Variants in ZPLD1 observed in about 807,000 individuals in gnomAD.
ZPLD1 encodes zona pellucida like domain containing 1.
A neutral mutation model predicts 47.2 loss-of-function variants in ZPLD1; 34 were observed. That is an observed-to-expected ratio of 0.72 (90% confidence interval 0.55 to 0.96). The LOEUF (loss-of-function observed/expected upper bound fraction) is 0.96. ZPLD1 is among the 40% of genes least tolerant of loss of function. The probability of loss-of-function intolerance (pLI) is 0.00; values close to 1 mark genes in which losing one functional copy is unlikely to be tolerated. For missense variants in ZPLD1, 512 were observed against 505.8 expected (o/e 1.01, Z -0.12); for synonymous variants, 176 against 186.2 (o/e 0.95, Z 0.45).
intron 8 of ZPLD1, among the ~76,000 whole-genome samples, chr3:102,425,629 G>C (rs1450059157): frequency 6.6e-6 from 1 of 151,928 alleles, no homozygotes; most frequent in Non-Finnish European, 1.5e-5. Flanking sequence ...GAACATTTTG[G>C]TTATTGAGAT....
rs756525116 is a variant in ZPLD1, at chr3:102,453,133, C to G, written c.321C>G (p.Asn107Lys). The change falls in exon 4 of 12, where the codon AAC becomes AAG. Residue 107 changes from asparagine to lysine, a missense_variant. By Grantham distance (94) the Asn-to-Lys change is moderately conservative. Transcript: ENST00000466937. ...GCACCTTGGAGGGCTGTGGAAACAA[C>G]CTGGTGGTAAGATTAGTGTGACATT... is the stretch of plus-strand genomic sequence containing the variant. ...NLSTLEGCGN[N>K]LVVSTIPGVS... is the part of the protein sequence containing the mutation. The G allele has an allele frequency of 3.1e-6, 5 of 1,613,762 alleles. No homozygotes were observed. The highest frequency in any genetic ancestry group is 4.2e-6 in the Non-Finnish European group (5 of 1,179,822).
chr3:102,465,833 A>G (rs1404201794), intron 8 of ZPLD1, among the ~76,000 whole-genome samples: 3 of 152,212 alleles, frequency 2.0e-5, no homozygotes, highest in African/African-American at 7.2e-5. Context: ...AAAACAGTTA[A>G]GATCAAGAGA....
At chr3:102,475,968 T>C (rs1273242116) in intron 10 of ZPLD1, among the ~76,000 whole-genome samples, 1 of 152,192 alleles carries the variant, frequency 6.6e-6, no homozygotes, top group East Asian at 1.9e-4. Flanking sequence ...CAGTTTATAT[T>C]ATTTTAGAAA....
At chr3:102,426,250 GCTCAC>G (rs1376237681) in intron 8 of ZPLD1, among the ~76,000 whole-genome samples, 1 of 152,002 alleles carries the variant, frequency 6.6e-6, no homozygotes, top group African/African-American at 2.4e-5. Context: ...GGGTGCGGTG[GCTCAC>G]GCCTGTAATC....
chr3:102,445,652 C>T (rs569572886), intron 3 of ZPLD1, among the ~76,000 whole-genome samples: 1 of 152,152 alleles, frequency 6.6e-6, no homozygotes, highest in Non-Finnish European at 1.5e-5. Context: ...GATTCATCTG[C>T]ACAGTAAAGT....
chr3:102,445,047 C>G (rs1183047642), intron 3 of ZPLD1, among the ~76,000 whole-genome samples: 2 of 152,182 alleles, frequency 1.3e-5, no homozygotes, highest in Non-Finnish European at 2.9e-5. Context: ...GCTACAGGCA[C>G]CACCACTGCC....
chr3:102,433,723 G>C (rs1461117593), upstream of ZPLD1, among the ~76,000 whole-genome samples: 1 of 152,046 alleles, frequency 6.6e-6, no homozygotes, highest in African/African-American at 2.4e-5. Context: ...AAGAGACGTG[G>C]TTTCACCGTG....
chr3:102,422,400 A>G (rs564987564), intron 8 of ZPLD1, among the ~76,000 whole-genome samples: 1 of 152,152 alleles, frequency 6.6e-6, no homozygotes, highest in East Asian at 1.9e-4. Flanking sequence ...ATATCCTACA[A>G]TGTTGTTATG....
intron 7 of ZPLD1, among the ~76,000 whole-genome samples, chr3:102,414,035 T>G (rs1706776571): frequency 1.3e-5 from 2 of 151,764 alleles, no homozygotes; most frequent in Non-Finnish European, 2.9e-5. Context: ...CTGTGTGCTT[T>G]CCAGTTGGAC....
chr3:102,385,315 T>A (rs1483274676), exon 6 of ZPLD1: 1 of 150,776 alleles, frequency 6.6e-6, no homozygotes, highest in Non-Finnish European at 1.5e-5. Context: ...TCACCTGAAA[T>A]AAGTAAGTGT....
Position 102,477,950 on chromosome 3 carries a change from G to A in ZPLD1, c.*332G>A, listed in dbSNP as rs1707783394. The A allele has an allele frequency of 5.7e-6, 1 of 174,810 alleles. No homozygotes were observed. Among genetic ancestry groups the A allele is most frequent in the Non-Finnish European group, 1.2e-5 (1 of 83,338 alleles). The allele number at this position is 174,810 out of a possible 1,614,324, so 10.8% of individuals were successfully genotyped here. Reference sequence around the variant, plus strand: ...GTTGGTTAAAAGATAAAAGGTGGGAGTAGACAAAAAATGAAATGTGTTGCA... The same window carrying A: ...GTTGGTTAAAAGATAAAAGGTGGGAATAGACAAAAAATGAAATGTGTTGCA... On this transcript the variant is annotated 3_prime_UTR_variant, in exon 12 of 12. Transcript: ENST00000466937.
At chr3:102,436,789 G>GTTAGCT in intron 1 of ZPLD1, 71 bp from the exon 2 acceptor site, 1 of 645,498 alleles carries the variant, frequency 1.5e-6, no homozygotes, top group Non-Finnish European at 1.9e-6. Flanking sequence ...AAAAATATAT[G>GTTAGCT]TTAGCTAGAA....
At chr3:102,432,509 A>G (rs1371182693), upstream of ZPLD1, among the ~76,000 whole-genome samples, 3 of 152,242 alleles carry the variant, frequency 2.0e-5, no homozygotes, top group South Asian at 2.1e-4. Context: ...AGATCAGCCT[A>G]TATCAAGGCA....
At chr3:102,473,197 G>A (rs561061201) in intron 10 of ZPLD1, among the ~76,000 whole-genome samples, 16 of 152,224 alleles carry the variant, frequency 1.1e-4, no homozygotes, top group East Asian at 9.7e-4. Flanking sequence ...GGGTGGGGAC[G>A]CAAACCGTAT....
intron 7 of ZPLD1, among the ~76,000 whole-genome samples, chr3:102,414,305 G>A (rs757180734): frequency 3.3e-5 from 5 of 151,818 alleles, no homozygotes; most frequent in African/African-American, 4.8e-5. Context: ...CACTATCTAT[G>A]ACAATAGAAA....
At chr3:102,458,979 ACTC>A (rs1482086868) in intron 6 of ZPLD1, among the ~76,000 whole-genome samples, 1 of 150,634 alleles carries the variant, frequency 6.6e-6, no homozygotes, top group African/African-American at 2.4e-5. Context: ...AGTCCCAGCT[ACTC>A]GGGAGGCTGA....
chr3:102,416,479 A>T (rs918097725), intron 7 of ZPLD1, among the ~76,000 whole-genome samples: 51 of 152,054 alleles, frequency 3.4e-4, no homozygotes, highest in African/African-American at 1.2e-3. Context: ...TCAAAGCGAA[A>T]CCTGAAACAT....
At chr3:102,468,542 C>T (rs976792958) in intron 8 of ZPLD1, among the ~76,000 whole-genome samples, 1 of 152,026 alleles carries the variant, frequency 6.6e-6, no homozygotes, top group Non-Finnish European at 1.5e-5. Context: ...ATAGTGTAGA[C>T]AATATGCTAT....
chr3:102,431,492 T>C (rs1273243389), upstream of ZPLD1, among the ~76,000 whole-genome samples: 1 of 152,222 alleles, frequency 6.6e-6, no homozygotes, highest in Non-Finnish European at 1.5e-5. Flanking sequence ...TTTCTTTTAA[T>C]ATATATGTTG....
Sources: gnomAD v4.1 joint callset for allele counts (sites outside exome capture counted in the v4.1 genomes callset) on GRCh38, gnomAD v4.1.1 for gene constraint, MANE v1.5 for transcripts, NCBI Gene and HGNC (gene_info 2026-07-23, HGNC 2026-07-21) for gene names.